The following MRGPRG variants were observed in gnomAD, a reference collection of about 807,000 sequenced individuals.
MRGPRG encodes the protein mas-related G protein-coupled receptor member G.
For synonymous variants in MRGPRG, 216 were observed against 206.7 expected (o/e 1.05, Z -0.39); for missense variants, 395 against 394.7 (o/e 1.00, Z -0.01).
chr11:3,218,205 C>T lies in MRGPRG; in HGVS notation c.609G>A (p.Ala203=), dbSNP rs1407431621. The T allele has an allele frequency of 9.1e-6, 14 of 1,536,126 alleles. No individual in the cohort carries two copies. Among genetic ancestry groups the T allele is most frequent in the Non-Finnish European group, 1.1e-5 (12 of 1,138,208 alleles). The part of the protein sequence containing the change: ...RPRLYGIVLG[A]LLLLFFCGLP... ...GGCCACAGAAGAAGAGCAGGAGCAGCGCGCCCAGGACGATGCCGTAGAGCC... is the reference window on the plus strand; with the variant it reads ...GGCCACAGAAGAAGAGCAGGAGCAGTGCGCCCAGGACGATGCCGTAGAGCC... The change falls in exon 1 of 1, where the codon GCG becomes GCA. Residue 203 remains alanine (A), a synonymous_variant. Coordinates refer to ENST00000332314, the MANE Select transcript of MRGPRG (RefSeq NM_001164377.1).
chr11:3,218,764 TAGA>T lies in MRGPRG; in HGVS notation c.47_49del (p.Phe16del). 1 of 1,545,498 alleles carries T rather than the reference TAGA, an allele frequency of 6.5e-7. No homozygotes were observed. Among genetic ancestry groups the T allele is most frequent in the Non-Finnish European group, 8.7e-7 (1 of 1,143,628 alleles). On this transcript the variant is annotated inframe_deletion, in exon 1 of 1. Coordinates refer to ENST00000332314, the MANE Select transcript of MRGPRG (RefSeq NM_001164377.1). ...CCCGAGGCCCACGATCAGCGTCAGGTAGAAGACCACACTGTCGAAGGTTCTCCA... is the reference window on the plus strand; with the variant it reads ...CCCGAGGCCCACGATCAGCGTCAGGTAGACCACACTGTCGAAGGTTCTCCA...
chr11:3,218,514 G>A lies in MRGPRG; in HGVS notation c.300C>T (p.Ser100=). The A allele has an allele frequency of 1.3e-6, 2 of 1,545,094 alleles. No individual in the cohort carries two copies. The highest frequency in any genetic ancestry group is 1.7e-6 in the Non-Finnish European group (2 of 1,143,868). The change falls in exon 1 of 1, where the codon AGC becomes AGT. Residue 100 remains serine, a synonymous_variant. Transcript: ENST00000332314. ...AGAGGTCGGAGAGGCAGCGCTCCAC[G>A]CTGAAGGCCGCCAGCAGCCAGAGCC... ...AVGLWLLAAF[S]VERCLSDLFP...
At position 3,218,155 on chromosome 11, in the gene MRGPRG, A is replaced by G. The variant is rs1847643695; in HGVS notation, c.659T>C (p.Leu220Pro). Residue 220 changes from leucine to proline, a missense_variant, in exon 1 of 1, where the codon CTG becomes CCG. Coordinates refer to ENST00000332314, the MANE Select transcript of MRGPRG (RefSeq NM_001164377.1). ...CGLPSVFYWS[L>P]QPLLNFLLPV... ...CAGCAGGAAGTTCAGCAGGGGCTGCAGGCTCCAGTAGAAGACCGAGGGCAG... is the reference window on the plus strand; with the variant it reads ...CAGCAGGAAGTTCAGCAGGGGCTGCGGGCTCCAGTAGAAGACCGAGGGCAG... 1.3e-6 allele frequency: 2 copies of G among 1,544,318 alleles called. No homozygotes were observed. The highest frequency in any genetic ancestry group is 1.7e-6 in the Non-Finnish European group (2 of 1,143,184).
In MRGPRG at chr11:3,218,387, C is replaced by T; in HGVS notation, c.427G>A (p.Ala143Thr). The T allele has an allele frequency of 6.7e-7, 1 of 1,496,102 alleles. No homozygotes were observed. Among genetic ancestry groups the T allele is most frequent in the Non-Finnish European group, 8.9e-7 (1 of 1,125,842 alleles). 92.7% of individuals were successfully genotyped at this position (1,496,102 alleles called of 1,614,324 possible). ...GCGCTGTTGCGCAGCAGGCCGCAGG[C>T]GTTGGCGGGCAGCGGCACGGCCGGC... ...TLPAVPLPAN[A>T]CGLLRNSACP... The change falls in exon 1 of 1, where the codon GCC becomes ACC. Residue 143 changes from alanine (A) to threonine (T), a missense_variant. Coordinates refer to ENST00000332314, the MANE Select transcript of MRGPRG (RefSeq NM_001164377.1).
Position 3,218,661 on chromosome 11 carries a change from C to G in MRGPRG, c.153G>C (p.Leu51=), listed in dbSNP as rs913540858. 9.7e-6 allele frequency: 15 copies of G among 1,546,068 alleles called. No individual in the cohort carries two copies. The Middle Eastern group carries it at 5.0e-4, about 52-fold the overall frequency. Residue 51 remains leucine (L), a synonymous_variant, in exon 1 of 1, where the codon CTG becomes CTC. Transcript: ENST00000332314. The part of the protein sequence containing the change: ...IKKGPFSIYL[L]HLAAADFLFL... ...ACAGGAAGTCGGCGGCGGCCAGGTGCAGCAGGTAGATGGAGAAGGGGCCCT... is the reference window on the plus strand; with the variant it reads ...ACAGGAAGTCGGCGGCGGCCAGGTGGAGCAGGTAGATGGAGAAGGGGCCCT...
In MRGPRG at chr11:3,218,511, C is replaced by T; in HGVS notation, c.303G>A (p.Val101=). The T allele has an allele frequency of 6.5e-7, 1 of 1,545,058 alleles. No individual in the cohort carries two copies. Among genetic ancestry groups the T allele is most frequent in the Non-Finnish European group, 8.7e-7 (1 of 1,143,824 alleles). Residue 101 remains valine, a synonymous_variant, in exon 1 of 1, where the codon GTG becomes GTA. Transcript: ENST00000332314. ...GGAAGAGGTCGGAGAGGCAGCGCTC[C>T]ACGCTGAAGGCCGCCAGCAGCCAGA... is the stretch of plus-strand genomic sequence containing the variant. ...VGLWLLAAFS[V]ERCLSDLFPA...
rs145777944 is a variant in MRGPRG, at chr11:3,218,136, G to A, written c.678C>T (p.Phe226=). ...FYWSLQPLLN[F]LLPVFSPLAT... is the part of the protein sequence containing the mutation. Reference sequence around the variant, plus strand: ...CCAGCGGGGAAAACACGGGCAGCAGGAAGTTCAGCAGGGGCTGCAGGCTCC... The same window carrying A: ...CCAGCGGGGAAAACACGGGCAGCAGAAAGTTCAGCAGGGGCTGCAGGCTCC... The change falls in exon 1 of 1, where the codon TTC becomes TTT. Residue 226 remains phenylalanine (F), a synonymous_variant. Transcript: ENST00000332314. The A allele has an allele frequency of 1.4e-3, 2,105 of 1,544,860 alleles. 116 individuals carry two copies. The highest frequency in any genetic ancestry group is 5.1e-3 in the Middle Eastern group (30 of 5,912).
Position 3,218,281 on chromosome 11 carries a change from C to T in MRGPRG, c.533G>A (p.Gly178Asp), listed in dbSNP as rs1373554293. The T allele has an allele frequency of 1.4e-6, 2 of 1,465,538 alleles. No homozygotes were observed. Among genetic ancestry groups the T allele is most frequent in the Non-Finnish European group, 1.8e-6 (2 of 1,106,202 alleles). The allele number at this position is 1,465,538 out of a possible 1,614,324, so 90.8% of individuals were successfully genotyped here. A position where few individuals can be genotyped will look rare whatever the true frequency, so the allele number is the denominator to read the frequency against. ...GGTCACCCAGACAAAGAGGACCACGCCAGCCGTCCAGGCGACGCGGGCCAG... is the reference window on the plus strand; with the variant it reads ...GGTCACCCAGACAAAGAGGACCACGTCAGCCGTCCAGGCGACGCGGGCCAG... ...LVLARVAWTA[G>D]VVLFVWVTCC... Residue 178 changes from glycine to aspartate, a missense_variant, in exon 1 of 1, where the codon GGC (glycine) becomes GAC (aspartate). Coordinates refer to ENST00000332314, the MANE Select transcript of MRGPRG (RefSeq NM_001164377.1).
rs544729179 is a variant in MRGPRG, at chr11:3,218,465, G to T, written c.349C>A (p.Arg117=). 1 of 1,542,648 alleles carries T rather than the reference G, an allele frequency of 6.5e-7. No individual in the cohort carries two copies. Residue 117 remains arginine (R), a synonymous_variant, in exon 1 of 1, where the codon CGG becomes AGG. Coordinates refer to ENST00000332314, the MANE Select transcript of MRGPRG (RefSeq NM_001164377.1). ...DLFPACYQGC[R]PRHASAVLCA... ...AGGACGGCCGAGGCGTGTCTGGGCCGGCAGCCCTGGTAGCAGGCGGGGAAG... is the reference window on the plus strand; with the variant it reads ...AGGACGGCCGAGGCGTGTCTGGGCCTGCAGCCCTGGTAGCAGGCGGGGAAG...
Position 3,218,061 on chromosome 11 carries a change from C to A in MRGPRG, c.753G>T (p.Ser251=), listed in dbSNP as rs1319208305. 15 of 1,544,546 alleles carry A rather than the reference C, an allele frequency of 9.7e-6. No homozygotes were observed. Among genetic ancestry groups the A allele is most frequent in the Non-Finnish European group, 1.3e-5 (15 of 1,143,414 alleles). ...VNSSSKPLIY[S]GLGRQPGKRE... is the part of the protein sequence containing the mutation. ...GCTTCCCGGGCTGTCGGCCCAACCC[C>A]GAGTAGATGAGGGGCTTGGAGCTGC... Residue 251 remains serine (S), a synonymous_variant, in exon 1 of 1, where the codon TCG becomes TCT. Coordinates refer to ENST00000332314, the MANE Select transcript of MRGPRG (RefSeq NM_001164377.1).
chr11:3,218,115 C>G lies in MRGPRG; in HGVS notation c.699G>C (p.Pro233=). Residue 233 remains proline (P), a synonymous_variant, in exon 1 of 1, where the codon CCG becomes CCC. Coordinates refer to ENST00000332314, the MANE Select transcript of MRGPRG (RefSeq NM_001164377.1). ...TGACGCAGGCCAGCAGCGTGGCCAG[C>G]GGGGAAAACACGGGCAGCAGGAAGT... is the stretch of plus-strand genomic sequence containing the variant. ...LLNFLLPVFS[P]LATLLACVNS... is the part of the protein sequence containing the mutation. The G allele has an allele frequency of 6.5e-7, 1 of 1,544,636 alleles. No homozygotes were observed. Among genetic ancestry groups the G allele is most frequent in the South Asian group, 1.2e-5 (1 of 83,348 alleles).
In MRGPRG at chr11:3,218,371, C is replaced by T. The variant is rs902099041; in HGVS notation, c.443G>A (p.Arg148His). ...PLPANACGLL[R>H]NSACPLVCPR... The stretch of plus-strand genomic sequence containing the variant: ...GCAGACCAGGGGGCACGCGCTGTTG[C>T]GCAGCAGGCCGCAGGCGTTGGCGGG... Residue 148 changes from arginine to histidine, a missense_variant, in exon 1 of 1, where the codon CGC becomes CAC. By Grantham distance (29) the Arg-to-His change is conservative. Transcript: ENST00000332314. The T allele has an allele frequency of 3.4e-6, 5 of 1,478,384 alleles. No individual in the cohort carries two copies. Among genetic ancestry groups the T allele is most frequent in the Non-Finnish European group, 4.5e-6 (5 of 1,118,736 alleles). The allele number at this position is 1,478,384 out of a possible 1,614,324, so 91.6% of individuals were successfully genotyped here. A position where few individuals can be genotyped will look rare whatever the true frequency, so the allele number is the denominator to read the frequency against.
At position 3,218,181 on chromosome 11, in the gene MRGPRG, G is replaced by C. The variant is rs1449144633; in HGVS notation, c.633C>G (p.Gly211=). 1.9e-6 allele frequency: 3 copies of C among 1,542,214 alleles called. No individual in the cohort carries two copies. The highest frequency in any genetic ancestry group is 2.0e-5 in the Admixed American group (1 of 50,632). ...LGALLLLFFC[G]LPSVFYWSLQ... ...GGCTCCAGTAGAAGACCGAGGGCAGGCCACAGAAGAAGAGCAGGAGCAGCG... is the reference window on the plus strand; with the variant it reads ...GGCTCCAGTAGAAGACCGAGGGCAGCCCACAGAAGAAGAGCAGGAGCAGCG... The change falls in exon 1 of 1, where the codon GGC becomes GGG. Residue 211 remains glycine (G), a synonymous_variant. Transcript: ENST00000332314.
rs750687423 is a variant in MRGPRG at position 3,218,632 on chromosome 11, A to G, written c.182T>C (p.Leu61Pro). 3.2e-6 allele frequency: 5 copies of G among 1,545,936 alleles called. No homozygotes were observed. Among genetic ancestry groups the G allele is most frequent in the Non-Finnish European group, 3.5e-6 (4 of 1,143,814 alleles). The stretch of plus-strand genomic sequence containing the variant: ...CACGGAGAAGCCCACACGGCAGGAG[A>G]GGAACAGGAAGTCGGCGGCGGCCAG... ...LHLAAADFLF[L>P]SCRVGFSVAQ... The change falls in exon 1 of 1, where the codon CTC becomes CCC. Residue 61 changes from leucine (L) to proline (P), a missense_variant. Transcript: ENST00000332314.
In MRGPRG at chr11:3,218,723, C is replaced by G; in HGVS notation, c.91G>C (p.Gly31Arg). 1.3e-6 allele frequency: 2 copies of G among 1,545,964 alleles called. No homozygotes were observed. Among genetic ancestry groups the G allele is most frequent in the Non-Finnish European group, 8.7e-7 (1 of 1,143,752 alleles). Residue 31 changes from glycine to arginine, a missense_variant, in exon 1 of 1, where the codon GGG (glycine) becomes CGG (arginine). By Grantham distance (125) the Gly-to-Arg change is moderately radical. Coordinates refer to ENST00000332314, the MANE Select transcript of MRGPRG (RefSeq NM_001164377.1). Reference sequence around the variant, plus strand: ...AAGCCGAGGTTCCAGAGCACCAGCCCGTTACCTACCGGTCCCCCGAGGCCC... The same window carrying G: ...AAGCCGAGGTTCCAGAGCACCAGCCGGTTACCTACCGGTCCCCCGAGGCCC... ...IVGLGGPVGN[G>R]LVLWNLGFRI...
Position 3,218,070 on chromosome 11 carries a change from G to T in MRGPRG, c.744C>A (p.Leu248=). 1 of 1,544,900 alleles carries T rather than the reference G, an allele frequency of 6.5e-7. No individual in the cohort carries two copies. Among genetic ancestry groups the T allele is most frequent in the Non-Finnish European group, 8.7e-7 (1 of 1,143,524 alleles). The change falls in exon 1 of 1, where the codon CTC becomes CTA. Residue 248 remains leucine (L), a synonymous_variant. Coordinates refer to ENST00000332314, the MANE Select transcript of MRGPRG (RefSeq NM_001164377.1). The part of the protein sequence containing the change: ...LACVNSSSKP[L]IYSGLGRQPG... The stretch of plus-strand genomic sequence containing the variant: ...GCTGTCGGCCCAACCCCGAGTAGAT[G>T]AGGGGCTTGGAGCTGCTGTTGACGC...
Position 3,218,060 on chromosome 11 carries a change from C to T in MRGPRG, c.754G>A (p.Gly252Arg). The T allele has an allele frequency of 6.5e-7, 1 of 1,544,634 alleles. No individual in the cohort carries two copies. Among genetic ancestry groups the T allele is most frequent in the Non-Finnish European group, 8.7e-7 (1 of 1,143,414 alleles). ...NSSSKPLIYS[G>R]LGRQPGKREP... Reference sequence around the variant, plus strand: ...CGCTTCCCGGGCTGTCGGCCCAACCCCGAGTAGATGAGGGGCTTGGAGCTG... The same window carrying T: ...CGCTTCCCGGGCTGTCGGCCCAACCTCGAGTAGATGAGGGGCTTGGAGCTG... The change falls in exon 1 of 1, where the codon GGG becomes AGG. Residue 252 changes from glycine to arginine, a missense_variant. Coordinates refer to ENST00000332314, the MANE Select transcript of MRGPRG (RefSeq NM_001164377.1).
chr11:3,218,501 G>A lies in MRGPRG; in HGVS notation c.313C>T (p.Leu105Phe). The change falls in exon 1 of 1, where the codon CTC becomes TTC. Residue 105 changes from leucine (L) to phenylalanine (F), a missense_variant. Leu to Phe is a conservative substitution (Grantham distance 22, BLOSUM62 0). Coordinates refer to ENST00000332314, the MANE Select transcript of MRGPRG (RefSeq NM_001164377.1). ...TAGCAGGCGGGGAAGAGGTCGGAGA[G>A]GCAGCGCTCCACGCTGAAGGCCGCC... Reference protein sequence around the residue: ...LLAAFSVERCLSDLFPACYQG... With the variant: ...LLAAFSVERCFSDLFPACYQG... 1 of 1,544,898 alleles carries A rather than the reference G, an allele frequency of 6.5e-7. No individual in the cohort carries two copies.
chr11:3,218,363 C>T lies in MRGPRG; in HGVS notation c.451G>A (p.Ala151Thr), dbSNP rs1157606204. 6.8e-7 allele frequency: 1 copy of T among 1,471,764 alleles called. No individual in the cohort carries two copies. The highest frequency in any genetic ancestry group is 9.0e-7 in the Non-Finnish European group (1 of 1,115,208). 91.2% of individuals were successfully genotyped at this position (1,471,764 alleles called of 1,614,324 possible). The change falls in exon 1 of 1, where the codon GCG becomes ACG. Residue 151 changes from alanine (A) to threonine (T), a missense_variant. By Grantham distance (58) the Ala-to-Thr change is moderately conservative. Coordinates refer to ENST00000332314, the MANE Select transcript of MRGPRG (RefSeq NM_001164377.1). ...ANACGLLRNS[A>T]CPLVCPRYHV... ...TAGCGCGGGCAGACCAGGGGGCACG[C>T]GCTGTTGCGCAGCAGGCCGCAGGCG...
Sources: gnomAD v4.1 joint callset for allele counts on GRCh38, gnomAD v4.1.1 for gene constraint, MANE v1.5 for transcripts, NCBI Gene and HGNC (gene_info 2026-07-23, HGNC 2026-07-21) for gene names.